Variants in LNX1 observed in about 807,000 individuals in gnomAD.
LNX1 encodes ligand of numb-protein X 1.
Under a neutral mutation model 68.4 loss-of-function variants are expected in LNX1, and 54 were observed. That is an observed-to-expected ratio of 0.79 (90% CI 0.63 to 0.99). LNX1 has a LOEUF of 0.99. LNX1 is among the 50% of genes least tolerant of loss of function. The pLI is 0.00. For synonymous variants in LNX1, 336 were observed against 350.0 expected, an observed-to-expected ratio of 0.96 and a Z score of 0.45; for missense variants, 906 against 926.4, an observed-to-expected ratio of 0.98 and a Z score of 0.29.
rs11415751 is a variant in LNX1 at position 53,527,051 on chromosome 4, T to TAAAA, written c.381-18828_381-18825dup. ...AAGGTTTTAGACTCTTCCCTGCCCCTAAAAAAAAAAAAAAAAAAAAACTAG... is the reference window on the plus strand; with the variant it reads ...AAGGTTTTAGACTCTTCCCTGCCCCTAAAAAAAAAAAAAAAAAAAAAAAAACTAG... On this transcript the variant is annotated intron_variant, in intron 2 of 10. Coordinates refer to ENST00000263925, the MANE Select transcript of LNX1 (RefSeq NM_001126328.3). Among the ~76,000 whole-genome samples the TAAAA allele has an allele frequency of 2.1e-4, 25 of 121,452 alleles. 2 individuals carry two copies. Among genetic ancestry groups the TAAAA allele is most frequent in the South Asian group, 2.8e-4 (1 of 3,532 alleles). The allele number at this position is 121,452 out of a possible 152,430, so 79.7% of individuals were successfully genotyped here.
rs899361798 is a variant in LNX1, at chr4:53,459,708, A to C, written c.*1199T>G. 7.5e-5 allele frequency: 37 copies of C among 493,764 alleles called. No homozygotes were observed. The highest frequency in any genetic ancestry group is 5.8e-4 in the African/African-American group (30 of 51,700). 30.6% of individuals were successfully genotyped at this position (493,764 alleles called of 1,614,324 possible). On this transcript the variant is annotated 3_prime_UTR_variant, in exon 11 of 11. Transcript: ENST00000263925. ...ATGTGAATGAGTCACTTAACAGGGA[A>C]TCTAAAGAGCTGTGTTAGCTGTGTA...
At chr4:53,572,642 G>A (rs995650587) in intron 2 of LNX1, among the ~76,000 whole-genome samples, 2 of 152,152 alleles carry the variant, frequency 1.3e-5, no homozygotes, top group Non-Finnish European at 1.5e-5. Flanking sequence ...TGGTATGATT[G>A]TTCACCCTTT....
chr4:53,493,385 C>A (rs186730448), intron 6 of LNX1, among the ~76,000 whole-genome samples: 1 of 152,338 alleles, frequency 6.6e-6, no homozygotes, highest in East Asian at 1.9e-4. Context: ...AACTGGGACA[C>A]CACCAAGTGG....
At chr4:53,465,647 TTG>T (rs1722623437) in intron 9 of LNX1, among the ~76,000 whole-genome samples, 1 of 152,246 alleles carries the variant, frequency 6.6e-6, no homozygotes, top group African/African-American at 2.4e-5. Flanking sequence ...CCAGAGCTAG[TTG>T]TGTTTATTGC....
Position 53,530,284 on chromosome 4 carries a change from T to C in LNX1, c.381-22057A>G, listed in dbSNP as rs1290079662. ...AGCCTAATGATAATAGAAAAAATAT[T>C]GCAAGATATGTAATCAAAGATTGTA... On this transcript the variant is annotated intron_variant, in intron 2 of 10. Transcript: ENST00000263925. Among the ~76,000 whole-genome samples the C allele has an allele frequency of 2.0e-5, 3 of 152,106 alleles. No individual in the cohort carries two copies. The East Asian group carries it at 5.8e-4, about 29-fold the overall frequency.
intron 2 of LNX1, among the ~76,000 whole-genome samples, chr4:53,536,389 A>T (rs149711636): frequency 3.9e-4 from 60 of 152,136 alleles, no homozygotes; most frequent in Non-Finnish European, 7.6e-4. Context: ...TCCCTAAGGA[A>T]CTCTTACAAA....
At chr4:53,526,513 T>C (rs961905855) in intron 2 of LNX1, among the ~76,000 whole-genome samples, 1 of 151,912 alleles carries the variant, frequency 6.6e-6, no homozygotes, top group African/African-American at 2.4e-5. Context: ...AAAGATAAAG[T>C]AAGAACTAAG....
rs562381599 is a variant in LNX1 at position 53,552,551 on chromosome 4, A to G, written c.380+21072T>C. 5.9e-5 allele frequency among the ~76,000 whole-genome samples: 9 copies of G among 152,288 alleles called. No individual in the cohort carries two copies. In the South Asian group the frequency reaches 1.7e-3, roughly 28 times the overall value. ...TTTGTTAAACTTAAATATTTAGGCT[A>G]GGCGCAGTGGCTCACGCCTGTAATT... On this transcript the variant is annotated intron_variant, in intron 2 of 10. Transcript: ENST00000263925.
chr4:53,478,447 G>A (rs901929396), intron 8 of LNX1, 118 bp downstream of exon 8: 12 of 891,304 alleles, frequency 1.3e-5, no homozygotes, highest in African/African-American at 3.5e-5. Flanking sequence ...GGTAACAAAA[G>A]TCCTGGCCGA....
chr4:53,491,793 T>C (rs1724692849), intron 6 of LNX1, among the ~76,000 whole-genome samples: 1 of 63,446 alleles, frequency 1.6e-5, no homozygotes. Context: ...GATACGATAC[T>C]TTTTTTTGTT....
At chr4:53,544,462 G>A (rs1410736134) in intron 2 of LNX1, among the ~76,000 whole-genome samples, 1 of 151,718 alleles carries the variant, frequency 6.6e-6, no homozygotes, top group African/African-American at 2.4e-5. Context: ...CCAAAGTGCT[G>A]GGATTACAGA....
At position 53,460,292 on chromosome 4, in the gene LNX1, A is replaced by ATAAT. The variant is rs752949713; in HGVS notation, c.*611_*614dup. The ATAAT allele has an allele frequency of 6.8e-5, 13 of 190,460 alleles. No individual in the cohort carries two copies. Among genetic ancestry groups the ATAAT allele is most frequent in the South Asian group, 1.9e-4 (1 of 5,144 alleles). The allele number at this position is 190,460 out of a possible 1,614,324, so 11.8% of individuals were successfully genotyped here. On this transcript the variant is annotated 3_prime_UTR_variant, in exon 11 of 11. Transcript: ENST00000263925. Reference sequence around the variant, plus strand: ...TTCTTACTAAAAACAAAACAAGTTTATAATTAATTCTCTGAGCGAGCATTT... The same window carrying ATAAT: ...TTCTTACTAAAAACAAAACAAGTTTATAATTAATTAATTCTCTGAGCGAGCATTT...
upstream of LNX1, among the ~76,000 whole-genome samples, chr4:53,619,376 G>T (rs1395888693): frequency 6.6e-6 from 1 of 151,952 alleles, no homozygotes; most frequent in Non-Finnish European, 1.5e-5. Flanking sequence ...CCCAGCCCTG[G>T]CAATCACTAA....
rs1724287825 is a variant in LNX1 at position 53,486,307 on chromosome 4, G to C, written c.1351-4453C>G. ...ATCGGCAGAGCGCACTACAGCCCCA[G>C]AGCTCCTGAGCTCAAACGACTCTCC... is the stretch of plus-strand genomic sequence containing the variant. On this transcript the variant is annotated intron_variant, in intron 6 of 10. Coordinates refer to ENST00000263925, the MANE Select transcript of LNX1 (RefSeq NM_001126328.3). Among the ~76,000 whole-genome samples, 3 of 151,620 alleles carry C rather than the reference G, an allele frequency of 2.0e-5. No individual in the cohort carries two copies. The South Asian group carries it at 6.3e-4, about 32-fold the overall frequency.
intron 4 of LNX1, among the ~76,000 whole-genome samples, chr4:53,506,221 G>T (rs1278062226): frequency 1.3e-5 from 2 of 152,098 alleles, no homozygotes; most frequent in Non-Finnish European, 2.9e-5. Context: ...TAATCCCTCT[G>T]GGTCTCCGTT....
chr4:53,615,841 G>C (rs931879992), intron 2 of LNX1, among the ~76,000 whole-genome samples: 1 of 152,064 alleles, frequency 6.6e-6, no homozygotes, highest in African/African-American at 2.4e-5. Context: ...CATGCAATGC[G>C]TAATAATCTT....
At chr4:53,493,875 A>G (rs1724869617) in intron 6 of LNX1, among the ~76,000 whole-genome samples, 1 of 152,220 alleles carries the variant, frequency 6.6e-6, no homozygotes. Context: ...AGATCATTCT[A>G]GAAGATCATG....
intron 2 of LNX1, among the ~76,000 whole-genome samples, chr4:53,532,184 A>T (rs1348476504): frequency 6.6e-6 from 1 of 152,238 alleles, no homozygotes; most frequent in Non-Finnish European, 1.5e-5. Context: ...CCTTCAAGAA[A>T]GCAGCAGGTG....
At chr4:53,638,699 A>G (rs1734569480) in intron 1 of LNX1, among the ~76,000 whole-genome samples, 1 of 152,202 alleles carries the variant, frequency 6.6e-6, no homozygotes, top group Non-Finnish European at 1.5e-5. Flanking sequence ...ACTGTGATGT[A>G]CCTTACAGAG....
Sources: allele counts gnomAD v4.1 joint callset (sites outside exome capture counted in the v4.1 genomes callset), GRCh38; gene constraint gnomAD v4.1.1; transcripts MANE v1.5; gene names NCBI Gene and HGNC (gene_info 2026-07-23, HGNC 2026-07-21).